The following GABRB1 variants were observed in gnomAD, a reference collection of about 807,000 sequenced individuals.
GABRB1 encodes the protein gamma-aminobutyric acid receptor subunit beta-1.
Under a neutral mutation model 51.6 loss-of-function variants are expected in GABRB1, and 17 were observed. The ratio of observed to expected loss-of-function variants is 0.33; its 90% CI spans 0.23 to 0.49. GABRB1 has a LOEUF of 0.49. GABRB1 is among the 20% of genes least tolerant of loss of function. The pLI, the probability that GABRB1 is intolerant of heterozygous loss-of-function variation, is 0.99. For missense variants in GABRB1, 410 were observed against 600.6 expected, an observed-to-expected ratio of 0.68 and a Z score of 3.32; for synonymous variants, 247 against 218.9, an observed-to-expected ratio of 1.13 and a Z score of -1.14.
At chr4:47,301,284 C>A (rs916698354) in intron 4 of GABRB1, among the ~76,000 whole-genome samples, 1 of 152,076 alleles carries the variant, frequency 6.6e-6, no homozygotes, top group East Asian at 1.9e-4. Context: ...CAAAATGGTT[C>A]ATGGGCAATC....
At position 47,339,541 on chromosome 4, in the gene GABRB1, A is replaced by ATGTGTGTGTG. The variant is rs34390361; in HGVS notation, c.544+19352_544+19361dup. ...CATATTTATGTGTGTATGTGTGCAT[A>ATGTGTGTGTG]TGTGTGTGTGTGTGTGTGTGTGTGT... is the stretch of plus-strand genomic sequence containing the variant. On this transcript the variant is annotated intron_variant, in intron 5 of 8. Coordinates refer to ENST00000295454, the MANE Select transcript of GABRB1 (RefSeq NM_000812.4). 3.0e-3 allele frequency among the ~76,000 whole-genome samples: 438 copies of ATGTGTGTGTG among 148,464 alleles called. 8 individuals are homozygous for ATGTGTGTGTG. The East Asian group carries it at 0.045, about 15-fold the overall frequency.
chr4:47,054,881 G>A (rs1031368649), intron 3 of GABRB1, among the ~76,000 whole-genome samples: 6 of 151,986 alleles, frequency 3.9e-5, no homozygotes, highest in Non-Finnish European at 7.4e-5. Flanking sequence ...CACTGCACCC[G>A]GACACTTTAT....
chr4:47,420,094 G>C (rs1241231282), intron 8 of GABRB1, among the ~76,000 whole-genome samples: 1 of 152,142 alleles, frequency 6.6e-6, no homozygotes, highest in Non-Finnish European at 1.5e-5. Flanking sequence ...ATCAGAAACA[G>C]ACTTACCTCC....
intron 4 of GABRB1, among the ~76,000 whole-genome samples, chr4:47,258,928 T>TA (rs947160233): frequency 2.6e-5 from 4 of 152,150 alleles, no homozygotes; most frequent in Admixed American, 2.6e-4. Context: ...AAACTATTGA[T>TA]AAAATTTCCT....
rs566899642 is a variant in GABRB1 at position 47,416,366 on chromosome 4, A to T, written c.1081-9308A>T. Among the ~76,000 whole-genome samples, 6 of 152,294 alleles carry T rather than the reference A, an allele frequency of 3.9e-5. No individual in the cohort carries two copies. In the East Asian group the frequency reaches 9.6e-4, roughly 24 times the overall value. ...TGGTGCTTTTTGGACTAGAATAAGA[A>T]ATTTGGAATTCATTCTATGTCTTGA... On this transcript the variant is annotated intron_variant, in intron 8 of 8. Coordinates refer to ENST00000295454, the MANE Select transcript of GABRB1 (RefSeq NM_000812.4).
chr4:47,258,079 G>A (rs1722286056), intron 4 of GABRB1, among the ~76,000 whole-genome samples: 1 of 152,100 alleles, frequency 6.6e-6, no homozygotes, highest in Non-Finnish European at 1.5e-5. Flanking sequence ...ATTCTAGAGT[G>A]TATCTATTAA....
At chr4:47,266,327 C>T (rs564064068) in intron 4 of GABRB1, among the ~76,000 whole-genome samples, 11 of 151,976 alleles carry the variant, frequency 7.2e-5, no homozygotes, top group Non-Finnish European at 1.5e-4. Context: ...TTACTGTTGC[C>T]TAGTAATATA....
intron 3 of GABRB1, among the ~76,000 whole-genome samples, chr4:47,159,475 G>A (rs971794627): frequency 1.2e-4 from 18 of 151,216 alleles, no homozygotes; most frequent in Middle Eastern, 3.2e-3. Context: ...AATGAGAATG[G>A]TAGTAACTGA....
chr4:47,046,559 G>T (rs193131514), intron 3 of GABRB1, among the ~76,000 whole-genome samples: 4 of 152,084 alleles, frequency 2.6e-5, no homozygotes, highest in Admixed American at 6.6e-5. Flanking sequence ...CACCAAAAAA[G>T]GTCCTGAATA....
At chr4:47,302,661 C>T (rs145545087) in intron 4 of GABRB1, among the ~76,000 whole-genome samples, 1 of 151,898 alleles carries the variant, frequency 6.6e-6, no homozygotes, top group Non-Finnish European at 1.5e-5. Flanking sequence ...TTTCAGGGTA[C>T]AAGATCTTGA....
chr4:47,356,894 T>C (rs1726601467), intron 5 of GABRB1, among the ~76,000 whole-genome samples: 1 of 152,162 alleles, frequency 6.6e-6, no homozygotes, highest in South Asian at 2.1e-4. Context: ...AGGTCCTATA[T>C]GTCAGTCTCA....
chr4:47,266,309 TG>T (rs1722637787), intron 4 of GABRB1, among the ~76,000 whole-genome samples: 1 of 152,156 alleles, frequency 6.6e-6, no homozygotes, highest in Non-Finnish European at 1.5e-5. Flanking sequence ...AGTACCATGT[TG>T]TTTTGGTTAC....
At chr4:47,201,212 C>G (rs1363573491) in intron 4 of GABRB1, among the ~76,000 whole-genome samples, 2 of 152,030 alleles carry the variant, frequency 1.3e-5, no homozygotes, top group African/African-American at 4.8e-5. Flanking sequence ...TATATCATAT[C>G]ATTCTATATT....
intron 5 of GABRB1, among the ~76,000 whole-genome samples, chr4:47,327,883 C>T (rs963157983): frequency 6.6e-5 from 10 of 152,166 alleles, no homozygotes; most frequent in Non-Finnish European, 1.2e-4. Flanking sequence ...GAGGAATCGC[C>T]ACACTGACTT....
At chr4:47,082,509 T>C (rs2109569482) in intron 3 of GABRB1, among the ~76,000 whole-genome samples, 1 of 152,234 alleles carries the variant, frequency 6.6e-6, no homozygotes, top group African/African-American at 2.4e-5. Context: ...TTTCTCACTA[T>C]GTCATTCTCT....
intron 3 of GABRB1, among the ~76,000 whole-genome samples, chr4:47,136,303 T>C (rs951044031): frequency 6.6e-6 from 1 of 152,098 alleles, no homozygotes; most frequent in Non-Finnish European, 1.5e-5. Flanking sequence ...TCTAAGAAGA[T>C]TTTCCTTTCC....
chr4:47,365,140 C>T (rs373605021), intron 5 of GABRB1, among the ~76,000 whole-genome samples: 11 of 152,270 alleles, frequency 7.2e-5, no homozygotes, highest in African/African-American at 1.2e-4. Flanking sequence ...TCCACCTCTC[C>T]GGTCCCTGTA....
chr4:47,263,536 G>T (rs1722532635), intron 4 of GABRB1, among the ~76,000 whole-genome samples: 1 of 152,034 alleles, frequency 6.6e-6, no homozygotes, highest in South Asian at 2.1e-4. Context: ...TAAAATACTG[G>T]GATTTTTAGA....
At chr4:47,341,289 A>T (rs1427388086) in intron 5 of GABRB1, among the ~76,000 whole-genome samples, 1 of 152,198 alleles carries the variant, frequency 6.6e-6, no homozygotes, top group Admixed American at 6.6e-5. Flanking sequence ...CCACCAAGTC[A>T]TAAGATGTCA....
Sources: allele counts gnomAD v4.1 joint callset (sites outside exome capture counted in the v4.1 genomes callset), GRCh38; gene constraint gnomAD v4.1.1; transcripts MANE v1.5; gene names NCBI Gene and HGNC (gene_info 2026-07-23, HGNC 2026-07-21).